The following LDB2 variants were observed in gnomAD, a reference collection of about 807,000 sequenced individuals.
LDB2 encodes the protein LIM domain-binding protein 2.
In LDB2, 12 loss-of-function variants were observed where a neutral mutation model predicts 44.3. The ratio of observed to expected loss-of-function variants is 0.27; its 90% CI spans 0.17 to 0.44. The LOEUF (loss-of-function observed/expected upper bound fraction) is 0.44. Ranked by LOEUF, LDB2 falls within the 20% of genes least tolerant of loss-of-function variation. The probability of loss-of-function intolerance (pLI) is 1.00; values close to 1 mark genes in which losing one functional copy is unlikely to be tolerated. For missense variants in LDB2, 344 were observed against 473.5 expected (o/e 0.73, Z 2.54); for synonymous variants, 164 against 174.8 (o/e 0.94, Z 0.49).
intron 2 of LDB2, among the ~76,000 whole-genome samples, chr4:16,633,535 C>CATAATTGCTA (rs1732650076): frequency 6.6e-6 from 1 of 151,996 alleles, no homozygotes; most frequent in Admixed American, 6.6e-5. Flanking sequence ...GAAAAAAATA[C>CATAATTGCTA]CTAGGAATAC....
intron 5 of LDB2, among the ~76,000 whole-genome samples, chr4:16,527,346 G>T (rs1450664078): frequency 6.6e-6 from 1 of 152,094 alleles, no homozygotes; most frequent in Non-Finnish European, 1.5e-5. Context: ...TATTAGGTTA[G>T]TGCAAAAGTA....
rs554284625 is a variant in LDB2 at position 16,668,907 on chromosome 4, G to A, written c.236-73032C>T. On this transcript the variant is annotated intron_variant, in intron 2 of 7. Transcript: ENST00000304523. ...TACATTCTGGCTCCCTATTTGGAGT[G>A]GAAAAAGAGCTTCTCTTTTCCAATC... 2.2e-4 allele frequency among the ~76,000 whole-genome samples: 33 copies of A among 152,156 alleles called. 1 individual carries two copies. In the South Asian group the frequency reaches 5.0e-3, roughly 23 times the overall value.
intron 2 of LDB2, among the ~76,000 whole-genome samples, chr4:16,673,454 G>A (rs879903767): frequency 8.5e-5 from 13 of 152,142 alleles, no homozygotes; most frequent in South Asian, 4.1e-4. Context: ...CTTTTGAAAC[G>A]GGTCACAACG....
In LDB2 at chr4:16,595,824, C is replaced by T; in HGVS notation, c.287G>A (p.Gly96Glu). The change falls in exon 3 of 8, where the codon GGG becomes GAG. Residue 96 changes from glycine to glutamate, a missense_variant. Transcript: ENST00000304523. ...GAGAATGTAATACAGGTCGGTCACC[C>T]CTCCTTCAAACACAGTGCTAAAGTA... is the stretch of plus-strand genomic sequence containing the variant. ...PRYFSTVFEG[G>E]VTDLYYILKH... is the part of the protein sequence containing the mutation. 6.2e-7 allele frequency: 1 copy of T among 1,613,568 alleles called. No homozygotes were observed. Among genetic ancestry groups the T allele is most frequent in the Non-Finnish European group, 8.5e-7 (1 of 1,179,790 alleles).
intron 2 of LDB2, among the ~76,000 whole-genome samples, chr4:16,734,592 A>G (rs1412949864): frequency 2.6e-5 from 4 of 151,968 alleles, no homozygotes; most frequent in Non-Finnish European, 4.4e-5. Flanking sequence ...AACCCTCTGA[A>G]GCACCCTCTT....
In LDB2 at chr4:16,653,929, G is replaced by C. The variant is rs143925302; in HGVS notation, c.236-58054C>G. ...TGGGGTAACAAATTTGGTAGGAAGAGATGAAATTCAGAGGCATTTTCTAAA... is the reference window on the plus strand; with the variant it reads ...TGGGGTAACAAATTTGGTAGGAAGACATGAAATTCAGAGGCATTTTCTAAA... On this transcript the variant is annotated intron_variant, in intron 2 of 7. Transcript: ENST00000304523. The C allele has an allele frequency of 1.2e-3, 189 of 152,298 alleles. 1 individual carries two copies. Among genetic ancestry groups the C allele is most frequent in the African/African-American group, 4.5e-3 (185 of 41,570 alleles). The allele number at this position is 152,298 out of a possible 1,614,324, so 9.4% of individuals were successfully genotyped here.
At chr4:16,639,945 A>G (rs1734686211) in intron 2 of LDB2, among the ~76,000 whole-genome samples, 1 of 152,260 alleles carries the variant, frequency 6.6e-6, no homozygotes, top group South Asian at 2.1e-4. Context: ...GACAAATAGC[A>G]TATGTTGTCC....
intron 1 of LDB2, among the ~76,000 whole-genome samples, chr4:16,842,103 G>A (rs983632953): frequency 6.6e-6 from 1 of 152,162 alleles, no homozygotes; most frequent in Admixed American, 6.5e-5. Context: ...ATGCTTTTAA[G>A]AGTCACCTTT....
At chr4:16,703,392 C>T (rs1238949121) in intron 2 of LDB2, among the ~76,000 whole-genome samples, 1 of 152,230 alleles carries the variant, frequency 6.6e-6, no homozygotes, top group African/African-American at 2.4e-5. Flanking sequence ...GTAAGGTAGA[C>T]AGAGAGCTTC....
intron 5 of LDB2, among the ~76,000 whole-genome samples, chr4:16,519,811 C>G (rs189861734): frequency 1.3e-5 from 2 of 151,856 alleles, no homozygotes; most frequent in Admixed American, 1.3e-4. Flanking sequence ...AGTAAGTAAC[C>G]CTTAATACAA....
chr4:16,540,159 C>T (rs570863531), intron 5 of LDB2, among the ~76,000 whole-genome samples: 1 of 152,222 alleles, frequency 6.6e-6, no homozygotes, highest in Non-Finnish European at 1.5e-5. Flanking sequence ...GGAAATATGC[C>T]TCCATGATCC....
chr4:16,775,606 C>T (rs1771717831), intron 1 of LDB2, among the ~76,000 whole-genome samples: 2 of 152,144 alleles, frequency 1.3e-5, no homozygotes, highest in Non-Finnish European at 2.9e-5. Flanking sequence ...AGATGGGTTT[C>T]CCTATTCTCA....
intron 1 of LDB2, among the ~76,000 whole-genome samples, chr4:16,790,232 C>G (rs533657133): frequency 4.6e-5 from 7 of 152,290 alleles, no homozygotes; most frequent in Admixed American, 4.6e-4. Context: ...ATGAGTTTAG[C>G]CAGCATGGCA....
chr4:16,619,446 A>G (rs996683649), intron 2 of LDB2, among the ~76,000 whole-genome samples: 10 of 152,200 alleles, frequency 6.6e-5, no homozygotes, highest in African/African-American at 2.4e-4. Context: ...GGAAAGATGA[A>G]GTTTCTTTTC....
At chr4:16,568,796 G>C (rs1393229137) in intron 5 of LDB2, among the ~76,000 whole-genome samples, 1 of 152,144 alleles carries the variant, frequency 6.6e-6, no homozygotes, top group Non-Finnish European at 1.5e-5. Flanking sequence ...GTGGACCCTC[G>C]CAGTTCAAAC....
intron 3 of LDB2, among the ~76,000 whole-genome samples, chr4:16,589,821 G>C (rs762027199): frequency 6.6e-6 from 1 of 152,070 alleles, no homozygotes; most frequent in Non-Finnish European, 1.5e-5. Context: ...GGCATCAGAG[G>C]GTACTGGATT....
At chr4:16,881,420 A>C (rs1207656975) in intron 1 of LDB2, among the ~76,000 whole-genome samples, 1 of 152,176 alleles carries the variant, frequency 6.6e-6, no homozygotes, top group Non-Finnish European at 1.5e-5. Context: ...ATTGGTAAGT[A>C]CTCAGCAGAT....
intron 1 of LDB2, among the ~76,000 whole-genome samples, chr4:16,866,676 G>A (rs531130214): frequency 5.9e-4 from 90 of 152,190 alleles, no homozygotes; most frequent in African/African-American, 2.1e-3. Flanking sequence ...AAGGGAGCTG[G>A]ACATAGGGAA....
At chr4:16,505,421 C>T (rs147984215) in intron 7 of LDB2, among the ~76,000 whole-genome samples, 1 of 152,016 alleles carries the variant, frequency 6.6e-6, no homozygotes, top group East Asian at 1.9e-4. Context: ...AAGTTAAGGG[C>T]TTCATATGCA....
Sources: gnomAD v4.1 joint callset for allele counts (sites outside exome capture counted in the v4.1 genomes callset) on GRCh38, gnomAD v4.1.1 for gene constraint, MANE v1.5 for transcripts, NCBI Gene and HGNC (gene_info 2026-07-23, HGNC 2026-07-21) for gene names.